The following RAI14 variants were observed in gnomAD, a reference collection of about 807,000 sequenced individuals.
The protein encoded by RAI14 is retinoic acid induced 14.
RAI14 carries 45 observed loss-of-function variants against 115.4 expected under a neutral mutation model. The observed-to-expected ratio is 0.39, with a 90% confidence interval of 0.31 to 0.50. The LOEUF is 0.50. Ranked by LOEUF, RAI14 falls within the 20% of genes least tolerant of loss-of-function variation. The pLI is 0.85. For synonymous variants in RAI14, 371 were observed against 415.4 expected (o/e 0.89, Z 1.30); for missense variants, 939 against 1,131.2 (o/e 0.83, Z 2.44).
intron 4 of RAI14, among the ~76,000 whole-genome samples, chr5:34,801,076 A>G (rs943694287): frequency 6.6e-6 from 1 of 152,160 alleles, no homozygotes; most frequent in African/African-American, 2.4e-5. Context: ...TGCTTCATAC[A>G]CTCTGGAAGG....
rs369742853 is a variant in RAI14, at chr5:34,665,198, T to TATATATATATATATACAC, written c.-49+8724_-49+8725insTATATATATATATACACA. On this transcript the variant is annotated intron_variant, in intron 1 of 17. Transcript: ENST00000265109. The stretch of plus-strand genomic sequence containing the variant: ...ACACACATATATATATGTATATATA[T>TATATATATATATATACAC]ACACACACCACAGTTTCTTTATCCA... Among the ~76,000 whole-genome samples, 38 of 75,708 alleles carry TATATATATATATATACAC rather than the reference T, an allele frequency of 5.0e-4. 7 individuals carry two copies. Among genetic ancestry groups the TATATATATATATATACAC allele is most frequent in the Admixed American group, 1.1e-3 (8 of 6,960 alleles). 49.7% of individuals were successfully genotyped at this position (75,708 alleles called of 152,430 possible).
chr5:34,828,910 T>C (rs1340393434), intron 16 of RAI14, among the ~76,000 whole-genome samples: 1 of 152,166 alleles, frequency 6.6e-6, no homozygotes, highest in African/African-American at 2.4e-5. Context: ...AATAATTCCC[T>C]TAAAAATAAT....
At chr5:34,747,113 A>T (rs1746364213) in intron 2 of RAI14, among the ~76,000 whole-genome samples, 1 of 152,230 alleles carries the variant, frequency 6.6e-6, no homozygotes, top group Admixed American at 6.5e-5. Context: ...CAGCAGCGTG[A>T]AAACCAACTA....
At chr5:34,666,129 C>T (rs1381592129) in intron 1 of RAI14, among the ~76,000 whole-genome samples, 2 of 152,136 alleles carry the variant, frequency 1.3e-5, no homozygotes, top group Admixed American at 6.5e-5. Flanking sequence ...CAGCAGTTTC[C>T]CAGTTTTGCT....
intron 12 of RAI14, 47 bp downstream of exon 12, chr5:34,814,716 T>C (rs766125167): frequency 7.2e-7 from 1 of 1,383,602 alleles, no homozygotes. Flanking sequence ...TTAAGATACA[T>C]GATAGACTTG....
At chr5:34,742,988 G>A (rs1043702901) in intron 2 of RAI14, among the ~76,000 whole-genome samples, 6 of 152,174 alleles carry the variant, frequency 3.9e-5, no homozygotes, top group African/African-American at 1.4e-4. Context: ...TATACCCAAA[G>A]CACCACCCGG....
intron 2 of RAI14, among the ~76,000 whole-genome samples, chr5:34,752,747 G>A (rs201101585): frequency 0.51 from 54,179 of 107,058 alleles, 15,021 homozygotes; most frequent in African/African-American, 0.7. Flanking sequence ...GTGTGTGTGT[G>A]TGTATATATA....
chr5:34,658,971 C>G (rs1742490500), intron 1 of RAI14: 1 of 151,986 alleles, frequency 6.6e-6, no homozygotes, highest in Non-Finnish European at 1.5e-5. Flanking sequence ...TTGATCTATT[C>G]CTACTCCTTT....
chr5:34,679,514 G>A (rs1026442567), intron 1 of RAI14, among the ~76,000 whole-genome samples: 11 of 151,310 alleles, frequency 7.3e-5, no homozygotes, highest in African/African-American at 2.7e-4. Flanking sequence ...TTGATTTGTG[G>A]GGGGAATCCC....
intron 4 of RAI14, among the ~76,000 whole-genome samples, 194 bp downstream of exon 4, chr5:34,796,221 C>A (rs1753516319): frequency 6.6e-6 from 1 of 152,058 alleles, no homozygotes. Context: ...ATGGTTAAAA[C>A]CCATCTCTAC....
chr5:34,657,015 G>C (rs1356659696), intron 1 of RAI14: 1 of 152,290 alleles, frequency 6.6e-6, no homozygotes, highest in African/African-American at 2.4e-5. Context: ...CGCGGGGTCC[G>C]CTATTGTTCC....
intron 2 of RAI14, among the ~76,000 whole-genome samples, chr5:34,752,089 G>A (rs1201589674): frequency 6.6e-6 from 1 of 152,114 alleles, no homozygotes; most frequent in Admixed American, 6.5e-5. Context: ...GGGAGACATC[G>A]CGTTCACCCT....
intron 2 of RAI14, among the ~76,000 whole-genome samples, chr5:34,720,139 C>T (rs1417845242): frequency 6.6e-6 from 1 of 152,120 alleles, no homozygotes; most frequent in Non-Finnish European, 1.5e-5. Flanking sequence ...TTTATTTCTT[C>T]TCAGAGCTTA....
intron 1 of RAI14, among the ~76,000 whole-genome samples, chr5:34,662,314 A>G (rs887030225): frequency 1.3e-5 from 2 of 152,254 alleles, no homozygotes; most frequent in African/African-American, 4.8e-5. Flanking sequence ...CACATCGTAC[A>G]GTCCTTAATT....
intron 5 of RAI14, among the ~76,000 whole-genome samples, chr5:34,804,610 T>C (rs1368132682): frequency 6.6e-6 from 1 of 152,276 alleles, no homozygotes; most frequent in Non-Finnish European, 1.5e-5. Flanking sequence ...CAACTTGTCC[T>C]GTGCTGTTGA....
intron 2 of RAI14, among the ~76,000 whole-genome samples, chr5:34,707,991 G>A (rs1240693953): frequency 1.3e-5 from 2 of 152,136 alleles, no homozygotes; most frequent in Non-Finnish European, 2.9e-5. Context: ...AAGAAAGGAA[G>A]GAAGTGAAAG....
At chr5:34,817,656 A>G (rs1318087833) in intron 12 of RAI14, among the ~76,000 whole-genome samples, 1 of 152,224 alleles carries the variant, frequency 6.6e-6, no homozygotes, top group African/African-American at 2.4e-5. Context: ...TTATCTGCCA[A>G]TAAAGAGGAA....
intron 2 of RAI14, among the ~76,000 whole-genome samples, chr5:34,723,468 G>A (rs892884934): frequency 2.0e-5 from 3 of 152,132 alleles, no homozygotes; most frequent in Non-Finnish European, 2.9e-5. Context: ...TGAAGCCCAC[G>A]TACATTATGG....
intron 2 of RAI14, among the ~76,000 whole-genome samples, chr5:34,730,456 C>A (rs1037748896): frequency 1.3e-5 from 2 of 152,028 alleles, no homozygotes; most frequent in Non-Finnish European, 2.9e-5. Context: ...GCAGGCAGGT[C>A]TCTTGAAGCG....
Sources: gnomAD v4.1 joint callset for allele counts (sites outside exome capture counted in the v4.1 genomes callset) on GRCh38, gnomAD v4.1.1 for gene constraint, MANE v1.5 for transcripts, NCBI Gene and HGNC (gene_info 2026-07-23, HGNC 2026-07-21) for gene names.